PTPRD: variants seen among roughly 807,000 people sequenced by gnomAD.
PTPRD encodes the protein receptor-type tyrosine-protein phosphatase delta.
PTPRD carries 34 observed loss-of-function variants against 214.5 expected under a neutral mutation model. That is an observed-to-expected ratio of 0.16 (90% CI 0.12 to 0.21). The LOEUF (loss-of-function observed/expected upper bound fraction) is 0.21. Among genes scored for constraint, PTPRD ranks in the 10% least tolerant of loss-of-function variants. The pLI, the probability that PTPRD is intolerant of heterozygous loss-of-function variation, is 1.00. For missense variants in PTPRD, 2,545 were observed against 2,398.7 expected (o/e 1.06, Z -1.27); for synonymous variants, 1,128 against 845.7 (o/e 1.33, Z -5.79).
chr9:8,642,208 G>C (rs1418654607), intron 12 of PTPRD, among the ~76,000 whole-genome samples: 1 of 152,164 alleles, frequency 6.6e-6, no homozygotes, highest in Non-Finnish European at 1.5e-5. Context: ...AAAGTGAAGA[G>C]ACAAAATGAG....
rs2099695756 is a variant in PTPRD at position 9,056,112 on chromosome 9, A to G, written c.-142-37377T>C. Among the ~76,000 whole-genome samples the G allele has an allele frequency of 2.0e-5, 3 of 152,148 alleles. No individual in the cohort carries two copies. The South Asian group carries it at 6.2e-4, about 31-fold the overall frequency. On this transcript the variant is annotated intron_variant, in intron 10 of 45. Transcript: ENST00000381196. ...CATTATTGTTGTTTTCTAGACTATT[A>G]GTTGTTTTCTAGACTTCTAGACCTC...
intron 9 of PTPRD, among the ~76,000 whole-genome samples, chr9:9,238,038 G>A (rs145583624): frequency 6.6e-6 from 1 of 152,042 alleles, no homozygotes; most frequent in South Asian, 2.1e-4. Flanking sequence ...ATTTGGTGAA[G>A]AGTAGATACA....
chr9:8,400,728 T>G (rs1477419394), intron 36 of PTPRD, among the ~76,000 whole-genome samples: 1 of 152,192 alleles, frequency 6.6e-6, no homozygotes, highest in Non-Finnish European at 1.5e-5. Context: ...TTATATTCTG[T>G]GTGACTGTGT....
chr9:10,431,324 T>TA (rs1429318650), intron 2 of PTPRD, among the ~76,000 whole-genome samples: 3 of 151,908 alleles, frequency 2.0e-5, no homozygotes, highest in Admixed American at 6.6e-5. Context: ...CCTAAAACCA[T>TA]AAAAACCCTA....
At chr9:10,471,613 A>AG (rs1363122239) in intron 2 of PTPRD, among the ~76,000 whole-genome samples, 1 of 152,180 alleles carries the variant, frequency 6.6e-6, no homozygotes, top group African/African-American at 2.4e-5. Flanking sequence ...TGAACATCTT[A>AG]GCACAGTGTC....
At chr9:10,394,399 G>A (rs1040754894) in intron 2 of PTPRD, among the ~76,000 whole-genome samples, 25 of 151,580 alleles carry the variant, frequency 1.6e-4, no homozygotes, top group African/African-American at 6.0e-4. Flanking sequence ...GGCAATAAAT[G>A]AATAATGCCT....
chr9:9,615,008 A>G (rs2094768564), intron 7 of PTPRD, among the ~76,000 whole-genome samples: 1 of 152,174 alleles, frequency 6.6e-6, no homozygotes, highest in Non-Finnish European at 1.5e-5. Context: ...TTGCAGGAGG[A>G]AGGGGCTTCC....
At chr9:9,367,487 A>C (rs1176266575) in intron 9 of PTPRD, among the ~76,000 whole-genome samples, 2 of 151,764 alleles carry the variant, frequency 1.3e-5, no homozygotes, top group Non-Finnish European at 2.9e-5. Context: ...GTAAAGTTAC[A>C]AATGAAATAC....
rs536548558 is a variant in PTPRD at position 10,160,727 on chromosome 9, G to T, written c.-544-126937C>A. 9.2e-5 allele frequency among the ~76,000 whole-genome samples: 14 copies of T among 151,992 alleles called. No homozygotes were observed. In the South Asian group the frequency reaches 2.5e-3, roughly 27 times the overall value. On this transcript the variant is annotated intron_variant, in intron 3 of 45. Coordinates refer to ENST00000381196, the MANE Select transcript of PTPRD (RefSeq NM_002839.4). The stretch of plus-strand genomic sequence containing the variant: ...CACAGTACTGGAAGCCCTAGCCACA[G>T]AAATTAGTCAAGAGAAAGAAACAAA...
intron 11 of PTPRD, among the ~76,000 whole-genome samples, chr9:9,009,589 C>T (rs1589729179): frequency 6.6e-6 from 1 of 151,570 alleles, no homozygotes; most frequent in African/African-American, 2.4e-5. Context: ...AAAATTAGAA[C>T]TGTAAAAATT....
chr9:10,606,058 T>G lies in PTPRD; in HGVS notation c.-600+6340A>C, dbSNP rs114326623. On this transcript the variant is annotated intron_variant, in intron 2 of 45. Transcript: ENST00000381196. ...TGGTACCTGAATTATTGTCCTATCC[T>G]TGATTTCTGTAGCAAAATCAAACAG... is the stretch of plus-strand genomic sequence containing the variant. 8.6e-3 allele frequency among the ~76,000 whole-genome samples: 1,314 copies of G among 151,934 alleles called. 23 individuals are homozygous for G. The highest frequency in any genetic ancestry group is 0.03 in the African/African-American group (1,231 of 41,480).
In PTPRD at chr9:8,479,787, A is replaced by G. The variant is rs539759846; in HGVS notation, c.3413+4332T>C. On this transcript the variant is annotated intron_variant, in intron 30 of 45. Transcript: ENST00000381196. ...TAAATGCTGAAGAATATACTATACT[A>G]TTTTCCTCTTTCAACTGCTCTTTTC... Among the ~76,000 whole-genome samples the G allele has an allele frequency of 7.2e-5, 11 of 152,118 alleles. No individual in the cohort carries two copies. In the East Asian group the frequency reaches 7.7e-4, roughly 11 times the overall value.
At chr9:10,466,067 G>A (rs1470589379) in intron 2 of PTPRD, among the ~76,000 whole-genome samples, 1 of 152,186 alleles carries the variant, frequency 6.6e-6, no homozygotes, top group African/African-American at 2.4e-5. Flanking sequence ...TGCAGTAGCT[G>A]GGGATACTAC....
At chr9:9,989,670 G>A (rs1242647125) in intron 4 of PTPRD, among the ~76,000 whole-genome samples, 1 of 152,204 alleles carries the variant, frequency 6.6e-6, no homozygotes, top group African/African-American at 2.4e-5. Context: ...GTGGGTGCAA[G>A]AGGCTGTCGC....
Position 8,511,368 on chromosome 9 carries a change from G to A in PTPRD, c.1544-3934C>T, listed in dbSNP as rs150182124. Among the ~76,000 whole-genome samples the A allele has an allele frequency of 1.4e-4, 21 of 151,922 alleles. No homozygotes were observed. The East Asian group carries it at 2.5e-3, about 18-fold the overall frequency. ...GTATGGGTGTGAGCCACTGTGCCTC[G>A]CCTTCTTACACACAGATATTTTATG... On this transcript the variant is annotated intron_variant, in intron 21 of 45. Transcript: ENST00000381196.
chr9:10,316,174 T>TACATATATATATAC (rs1368931298), intron 3 of PTPRD, among the ~76,000 whole-genome samples: 1 of 147,210 alleles, frequency 6.8e-6, no homozygotes, highest in African/African-American at 2.5e-5. Context: ...TATGTATATA[T>TACATATATATATAC]ACATAGATAT....
At chr9:10,288,161 TG>T (rs1470394942) in intron 3 of PTPRD, among the ~76,000 whole-genome samples, 1 of 76,104 alleles carries the variant, frequency 1.3e-5, no homozygotes, top group African/African-American at 5.4e-5. Flanking sequence ...AAATTGGGGG[TG>T]GGGGGTGGGT....
chr9:9,952,248 T>G (rs1420534524), intron 4 of PTPRD, among the ~76,000 whole-genome samples: 1 of 152,168 alleles, frequency 6.6e-6, no homozygotes, highest in Non-Finnish European at 1.5e-5. Context: ...TTGTCCTGGT[T>G]AAAGGTGGGA....
chr9:9,619,819 A>G (rs1453313318), intron 7 of PTPRD, among the ~76,000 whole-genome samples: 1 of 147,260 alleles, frequency 6.8e-6, no homozygotes, highest in Non-Finnish European at 1.5e-5. Context: ...ATATAAATAT[A>G]TTTAATCTTT....
Sources: allele counts gnomAD v4.1 joint callset (sites outside exome capture counted in the v4.1 genomes callset), GRCh38; gene constraint gnomAD v4.1.1; transcripts MANE v1.5; gene names NCBI Gene and HGNC (gene_info 2026-07-23, HGNC 2026-07-21).